Variants in ERAP1 observed in about 807,000 individuals in gnomAD.
ERAP1 encodes adipocyte-derived leucine aminopeptidase.
A neutral mutation model predicts 103.7 loss-of-function variants in ERAP1; 86 were observed. The observed-to-expected ratio is 0.83, with a 90% CI of 0.70 to 0.99. The LOEUF is 0.99. Among genes scored for constraint, ERAP1 ranks in the 50% least tolerant of loss-of-function variants. The pLI, the probability that ERAP1 is intolerant of heterozygous loss-of-function variation, is 0.00. For missense variants in ERAP1, 1,009 were observed against 1,128.4 expected, an observed-to-expected ratio of 0.89 and a Z score of 1.52; for synonymous variants, 398 against 402.4, an observed-to-expected ratio of 0.99 and a Z score of 0.13.
the ERAP1 span, among the ~76,000 whole-genome samples, chr5:96,911,525 G>C: frequency 6.6e-6 from 1 of 151,970 alleles, no homozygotes; most frequent in Non-Finnish European, 1.5e-5. Context: ...AGACACTAAT[G>C]AATTGTACCA....
At position 96,803,411 on chromosome 5, in the gene ERAP1, C is replaced by T; in HGVS notation, c.516G>A (p.Gly172=). 1 of 1,613,218 alleles carries T rather than the reference C, an allele frequency of 6.2e-7. No individual in the cohort carries two copies. Among genetic ancestry groups the T allele is most frequent in the Non-Finnish European group, 8.5e-7 (1 of 1,179,798 alleles). The change falls in exon 2 of 19, where the codon GGG becomes GGA. Residue 172 remains glycine (G), a synonymous_variant. Transcript: ENST00000443439. ...FYKSTYRTKE[G]ELRILASTQF... ...AAGAGAAAAAAAAATACCTCAGTTCCCCTTCCTTGGTTCTGTAGGTGCTTT... is the reference window on the plus strand; with the variant it reads ...AAGAGAAAAAAAAATACCTCAGTTCTCCTTCCTTGGTTCTGTAGGTGCTTT...
chr5:96,883,599 T>C, the ERAP1 span, among the ~76,000 whole-genome samples: 1 of 152,228 alleles, frequency 6.6e-6, no homozygotes, highest in Non-Finnish European at 1.5e-5. Context: ...AGGGCATTGC[T>C]TATGATTGAT....
chr5:96,780,809 G>C (rs1406135263), intron 17 of ERAP1, among the ~76,000 whole-genome samples: 2 of 152,204 alleles, frequency 1.3e-5, no homozygotes, highest in Non-Finnish European at 2.9e-5. Context: ...GAGGAGGAAG[G>C]CTTCAGATAT....
the ERAP1 span, among the ~76,000 whole-genome samples, chr5:96,839,216 T>G: frequency 6.6e-6 from 1 of 152,264 alleles, no homozygotes; most frequent in Admixed American, 6.5e-5. Flanking sequence ...CACTAACCAG[T>G]AATCTGCCTC....
chr5:96,845,357 C>G, the ERAP1 span, among the ~76,000 whole-genome samples: 2 of 152,222 alleles, frequency 1.3e-5, no homozygotes, highest in South Asian at 4.1e-4. Context: ...GCTTCACTCT[C>G]CTGAGTAGCT....
chr5:96,853,806 C>T, the ERAP1 span, among the ~76,000 whole-genome samples: 619 of 146,772 alleles, frequency 4.2e-3, 23 homozygotes, highest in Admixed American at 0.036. Flanking sequence ...GTAGAAGACA[C>T]AGTTACAAGT....
At chr5:96,814,468 A>T in the ERAP1 span, among the ~76,000 whole-genome samples, 1 of 152,146 alleles carries the variant, frequency 6.6e-6, no homozygotes, top group East Asian at 1.9e-4. Context: ...TGAGGCAGGG[A>T]AGGAGACATA....
the ERAP1 span, among the ~76,000 whole-genome samples, chr5:96,911,028 ATAT>A: frequency 1.1e-4 from 16 of 152,220 alleles, no homozygotes; most frequent in Admixed American, 1.0e-3. Flanking sequence ...GATCTTTATT[ATAT>A]TATTCAAATG....
the ERAP1 span, among the ~76,000 whole-genome samples, chr5:96,840,733 G>T: frequency 1.3e-5 from 2 of 148,710 alleles, no homozygotes; most frequent in Non-Finnish European, 3.0e-5. Context: ...TTGAGACGGA[G>T]TCTCGCTTTG....
At chr5:96,917,929 GAAA>G in the ERAP1 span, 2 of 128,306 alleles carry the variant, frequency 1.6e-5, no homozygotes, top group Non-Finnish European at 3.2e-5. Flanking sequence ...AAAAAAAAAA[GAAA>G]AAGAAAAAGA....
the ERAP1 span, chr5:96,848,649 C>T: frequency 6.6e-6 from 1 of 152,044 alleles, no homozygotes; most frequent in Non-Finnish European, 1.5e-5. Flanking sequence ...GAAAAGTTTC[C>T]CATCAAAGAA....
chr5:96,872,714 T>A, the ERAP1 span, among the ~76,000 whole-genome samples: 1 of 152,236 alleles, frequency 6.6e-6, no homozygotes, highest in South Asian at 2.1e-4. Context: ...GGATTGACAA[T>A]AATCCTCTGT....
chr5:96,836,195 T>C, the ERAP1 span, among the ~76,000 whole-genome samples: 1 of 149,214 alleles, frequency 6.7e-6, no homozygotes, highest in Non-Finnish European at 1.5e-5. Flanking sequence ...TTTTTTTTTT[T>C]TCTGTTTTTT....
intron 5 of ERAP1, among the ~76,000 whole-genome samples, chr5:96,794,711 T>A (rs1168790875): frequency 6.6e-6 from 1 of 152,238 alleles, no homozygotes; most frequent in Non-Finnish European, 1.5e-5. Context: ...GAGCATCCTC[T>A]GGGTTCCTGC....
At chr5:96,811,979 C>T (rs945403385), upstream of ERAP1, among the ~76,000 whole-genome samples, 1 of 152,190 alleles carries the variant, frequency 6.6e-6, no homozygotes, top group African/African-American at 2.4e-5. Flanking sequence ...CTTCTGTATT[C>T]CTGTTGCTTT....
the ERAP1 span, among the ~76,000 whole-genome samples, chr5:96,900,908 G>A: frequency 6.6e-6 from 1 of 151,930 alleles, no homozygotes; most frequent in Non-Finnish European, 1.5e-5. Context: ...CAGGCAATTC[G>A]CCCACCTTGG....
At chr5:96,932,282 G>C in the ERAP1 span, among the ~76,000 whole-genome samples, 1 of 152,156 alleles carries the variant, frequency 6.6e-6, no homozygotes, top group Non-Finnish European at 1.5e-5. Flanking sequence ...CCATTTATTC[G>C]AGTGCTGAAC....
intron 2 of ERAP1, 138 bp from the exon 3 acceptor site, chr5:96,801,138 T>C: frequency 1.0e-6 from 1 of 957,204 alleles, no homozygotes; most frequent in Non-Finnish European, 1.6e-6. Flanking sequence ...TGACAAAAGC[T>C]ATCATAAACT....
intron 2 of ERAP1, among the ~76,000 whole-genome samples, chr5:96,802,813 T>C (rs1778144593): frequency 6.6e-6 from 1 of 152,166 alleles, no homozygotes; most frequent in Non-Finnish European, 1.5e-5. Context: ...CTGGTATGTC[T>C]GGTTTCCTTA....
Sources: gnomAD v4.1 joint callset for allele counts (sites outside exome capture counted in the v4.1 genomes callset) on GRCh38, gnomAD v4.1.1 for gene constraint, MANE v1.5 for transcripts, NCBI Gene and HGNC (gene_info 2026-07-23, HGNC 2026-07-21) for gene names.